ZNF385D: variants seen among roughly 807,000 people sequenced by gnomAD.
ZNF385D encodes zinc finger protein 385D, also known as zinc finger protein 659.
In ZNF385D, 15 loss-of-function variants were observed where a neutral mutation model predicts 35.8. The ratio of observed to expected loss-of-function variants is 0.42; its 90% CI spans 0.28 to 0.64. The LOEUF is 0.64. Among genes scored for constraint, ZNF385D ranks in the 30% least tolerant of loss-of-function variants. The probability of loss-of-function intolerance (pLI) is 0.23; values close to 1 mark genes in which losing one functional copy is unlikely to be tolerated. For synonymous variants in ZNF385D, 212 were observed against 186.8 expected (o/e 1.13, Z -1.10); for missense variants, 474 against 494.6 (o/e 0.96, Z 0.39).
chr3:22,313,436 T>TA (rs1703697863), intron 2 of ZNF385D, among the ~76,000 whole-genome samples: 3 of 152,158 alleles, frequency 2.0e-5, no homozygotes, highest in South Asian at 4.2e-4. Context: ...ATAACATTTT[T>TA]AAAAAAATAC....
chr3:22,010,176 T>C (rs972830083), intron 3 of ZNF385D, among the ~76,000 whole-genome samples: 15 of 152,108 alleles, frequency 9.9e-5, no homozygotes, highest in Admixed American at 8.5e-4. Context: ...AAAGTATATG[T>C]TTTAAAAAGC....
intron 3 of ZNF385D, among the ~76,000 whole-genome samples, chr3:22,094,547 C>T (rs1370066649): frequency 6.6e-6 from 1 of 151,658 alleles, no homozygotes; most frequent in Non-Finnish European, 1.5e-5. Flanking sequence ...GCCAGACACA[C>T]ATGAAAGCAG....
Position 21,623,540 on chromosome 3 carries a change from G to A in ZNF385D, c.165+41346C>T, listed in dbSNP as rs915354595. On this transcript the variant is annotated intron_variant, in intron 2 of 7. Transcript: ENST00000281523. ...TGCTTGTAGTCTTAGCTAGTCAGGA[G>A]GCAGAAGTGGGAAAATCGCTTGACC... Among the ~76,000 whole-genome samples, 10 of 151,964 alleles carry A rather than the reference G, an allele frequency of 6.6e-5. 1 individual carries two copies. Among genetic ancestry groups the A allele is most frequent in the Non-Finnish European group, 1.3e-4 (9 of 67,966 alleles).
Position 22,265,030 on chromosome 3 carries a change from A to G in ZNF385D, c.107-95995T>C, listed in dbSNP as rs555285403. ...GATAACGGACTTTTTTTCATGCAAC[A>G]TATTATTGAACACCTTCTATGTGCT... On this transcript the variant is annotated intron_variant, in intron 2 of 5. Transcript: ENST00000494108. Among the ~76,000 whole-genome samples the G allele has an allele frequency of 3.3e-3, 506 of 151,958 alleles. 4 individuals are homozygous for G. The highest frequency in any genetic ancestry group is 0.01 in the African/African-American group (423 of 41,498).
At chr3:21,613,428 T>C (rs1575321796) in intron 2 of ZNF385D, among the ~76,000 whole-genome samples, 1 of 151,304 alleles carries the variant, frequency 6.6e-6, no homozygotes, top group African/African-American at 2.4e-5. Context: ...AGTGACCATG[T>C]GAACACATTG....
chr3:21,814,266 C>T (rs529646716), intron 3 of ZNF385D, among the ~76,000 whole-genome samples: 7 of 152,240 alleles, frequency 4.6e-5, no homozygotes, highest in South Asian at 2.1e-4. Flanking sequence ...TAAAGACCAT[C>T]GATGTTAGGA....
At chr3:22,128,038 C>A (rs1002154286) in intron 3 of ZNF385D, among the ~76,000 whole-genome samples, 1 of 152,184 alleles carries the variant, frequency 6.6e-6, no homozygotes, top group Non-Finnish European at 1.5e-5. Context: ...GATTGAAAAA[C>A]TCTCTTTAGC....
rs964086579 is a variant in ZNF385D at position 21,504,730 on chromosome 3, C to G, written c.439+6131G>C. On this transcript the variant is annotated intron_variant, in intron 4 of 7. Transcript: ENST00000281523. ...TTTAGAACTACAGTACAAGAAACAA[C>G]AATGGAAAAACAAGGTGTGCCTCTA... Among the ~76,000 whole-genome samples the G allele has an allele frequency of 2.0e-5, 3 of 152,026 alleles. No individual in the cohort carries two copies. The South Asian group carries it at 6.2e-4, about 31-fold the overall frequency.
chr3:22,163,473 T>C (rs1706104637), intron 3 of ZNF385D, among the ~76,000 whole-genome samples: 1 of 152,320 alleles, frequency 6.6e-6, no homozygotes, highest in African/African-American at 2.4e-5. Context: ...CGTAAATATG[T>C]AAAACATATT....
intron 3 of ZNF385D, among the ~76,000 whole-genome samples, chr3:21,774,185 G>A (rs377049360): frequency 1.3e-5 from 2 of 151,792 alleles, no homozygotes; most frequent in African/African-American, 4.8e-5. Flanking sequence ...ATCAAATAGT[G>A]CATGTCCTCA....
chr3:21,634,377 G>A (rs958878495), intron 2 of ZNF385D, among the ~76,000 whole-genome samples: 11 of 150,822 alleles, frequency 7.3e-5, no homozygotes, highest in African/African-American at 2.7e-4. Flanking sequence ...AGGAAGGAAG[G>A]AAAGAAAGGA....
At chr3:22,095,777 C>CT (rs552015370) in intron 3 of ZNF385D, among the ~76,000 whole-genome samples, 330 of 151,780 alleles carry the variant, frequency 2.2e-3, no homozygotes, top group Non-Finnish European at 3.3e-3. Context: ...AGCATTTCTA[C>CT]TGTTCAATAA....
chr3:21,597,627 C>A (rs576071687), intron 2 of ZNF385D, among the ~76,000 whole-genome samples: 136 of 149,774 alleles, frequency 9.1e-4, no homozygotes, highest in Middle Eastern at 3.4e-3. Context: ...GAGGCACATA[C>A]AACAGGGCAA....
chr3:21,708,788 T>C (rs1029334032), intron 1 of ZNF385D, among the ~76,000 whole-genome samples: 15 of 152,172 alleles, frequency 9.9e-5, no homozygotes, highest in Non-Finnish European at 1.5e-4. Flanking sequence ...CAGTAGACTT[T>C]GTTGGTTATT....
intron 3 of ZNF385D, among the ~76,000 whole-genome samples, chr3:21,763,187 T>C (rs533370483): frequency 2.1e-4 from 32 of 152,238 alleles, no homozygotes; most frequent in African/African-American, 7.2e-4. Context: ...ATTTTGCAAT[T>C]AGTCTGAGGA....
intron 1 of ZNF385D, among the ~76,000 whole-genome samples, chr3:21,703,796 G>T (rs2067790626): frequency 6.6e-6 from 1 of 151,926 alleles, no homozygotes; most frequent in Admixed American, 6.6e-5. Flanking sequence ...TTCTCTTCTT[G>T]ACCTTTGGGA....
chr3:21,927,680 A>G (rs1471247855), intron 3 of ZNF385D, among the ~76,000 whole-genome samples: 1 of 152,222 alleles, frequency 6.6e-6, no homozygotes, highest in East Asian at 1.9e-4. Flanking sequence ...ATAGAGCTAG[A>G]GTGAATATTC....
chr3:22,332,749 A>G (rs558548277), intron 2 of ZNF385D, among the ~76,000 whole-genome samples: 1 of 152,156 alleles, frequency 6.6e-6, no homozygotes, highest in Non-Finnish European at 1.5e-5. Context: ...AATGAGAAAA[A>G]CCATTATCCT....
At chr3:21,701,607 T>G (rs2067686023) in intron 1 of ZNF385D, among the ~76,000 whole-genome samples, 1 of 152,108 alleles carries the variant, frequency 6.6e-6, no homozygotes, top group Admixed American at 6.5e-5. Flanking sequence ...ATTTCAGCAT[T>G]AACCTAAAAG....
Sources: allele counts gnomAD v4.1 joint callset (sites outside exome capture counted in the v4.1 genomes callset), GRCh38; gene constraint gnomAD v4.1.1; transcripts MANE v1.5; gene names NCBI Gene and HGNC (gene_info 2026-07-23, HGNC 2026-07-21).